INSL4: variants seen among roughly 807,000 people sequenced by gnomAD.
INSL4 encodes insulin like 4.
Under a neutral mutation model 6.5 loss-of-function variants are expected in INSL4, and 7 were observed. The ratio of observed to expected loss-of-function variants is 1.08; its 90% CI spans 0.61 to 2.02. INSL4 has a LOEUF of 2.02. Among genes scored for constraint, INSL4 ranks in the 30% most tolerant of loss-of-function variants. The probability of loss-of-function intolerance (pLI) is 0.00; values close to 1 mark genes in which losing one functional copy is unlikely to be tolerated. For missense variants in INSL4, 226 were observed against 163.2 expected, an observed-to-expected ratio of 1.38 and a Z score of -2.09; for synonymous variants, 82 against 65.8, an observed-to-expected ratio of 1.25 and a Z score of -1.19.
At chr9:5,233,542 A>G in intron 1 of INSL4, 112 bp from the exon 2 acceptor site, 2 of 719,980 alleles carry the variant, frequency 2.8e-6, no homozygotes, top group East Asian at 5.4e-5. Context: ...CTGGTGTTTA[A>G]TTACATGGAG....
chr9:5,234,823 T>C lies in INSL4; in HGVS notation c.*946T>C, dbSNP rs1384217108. ...TCAGGTCCTATAAACTTAATTCAAGTGGCATGATTTGAGTAGCCCCCTGTG... is the reference window on the plus strand; with the variant it reads ...TCAGGTCCTATAAACTTAATTCAAGCGGCATGATTTGAGTAGCCCCCTGTG... On this transcript the variant is annotated 3_prime_UTR_variant, in exon 2 of 2. Coordinates refer to ENST00000239316, the MANE Select transcript of INSL4 (RefSeq NM_002195.2). The C allele has an allele frequency of 2.6e-5, 4 of 152,110 alleles. No individual in the cohort carries two copies. Among genetic ancestry groups the C allele is most frequent in the South Asian group, 2.1e-4 (1 of 4,830 alleles). 9.4% of individuals were successfully genotyped at this position (152,110 alleles called of 1,614,324 possible).
rs1826145458 is a variant in INSL4, at chr9:5,231,571, G to C, written c.48G>C (p.Leu16=). Reference sequence around the variant, plus strand: ...ATCTGCCAGCAATCTGGCTGCTGCTGAGCCAACTCCTTAGAGAAAGCCTAG... The same window carrying C: ...ATCTGCCAGCAATCTGGCTGCTGCTCAGCCAACTCCTTAGAGAAAGCCTAG... ...RSYLPAIWLL[L]SQLLRESLAA... The change falls in exon 1 of 2, where the codon CTG becomes CTC. Residue 16 remains leucine (L), a synonymous_variant. Transcript: ENST00000239316. 3 of 1,613,714 alleles carry C rather than the reference G, an allele frequency of 1.9e-6. No individual in the cohort carries two copies. The highest frequency in any genetic ancestry group is 2.5e-6 in the Non-Finnish European group (3 of 1,179,888).
In INSL4 at chr9:5,231,497, C is replaced by G; in HGVS notation, c.-27C>G. 1 of 1,602,422 alleles carries G rather than the reference C, an allele frequency of 6.2e-7. No homozygotes were observed. The highest frequency in any genetic ancestry group is 8.5e-7 in the Non-Finnish European group (1 of 1,173,940). On this transcript the variant is annotated 5_prime_UTR_variant, in exon 1 of 2. Coordinates refer to ENST00000239316, the MANE Select transcript of INSL4 (RefSeq NM_002195.2). ...AGTCTCTAAAGAAAGGCTGAGAACA[C>G]CCAGAACAGGAGAGTTCAGGTCCAG...
intron 1 of INSL4, among the ~76,000 whole-genome samples, chr9:5,232,587 T>C (rs568233843): frequency 6.6e-6 from 1 of 152,192 alleles, no homozygotes; most frequent in Non-Finnish European, 1.5e-5. Flanking sequence ...GAAAGTTCAA[T>C]ACCAGGATAG....
chr9:5,233,547 A>G (rs1159031789), intron 1 of INSL4, 107 bp from the exon 2 acceptor site: 4 of 728,968 alleles, frequency 5.5e-6, no homozygotes, highest in African/African-American at 3.5e-5. Context: ...GTTTAATTAC[A>G]TGGAGGCAAT....
intron 1 of INSL4, 116 bp from the exon 2 acceptor site, chr9:5,233,538 T>TTTAA: frequency 1.4e-6 from 1 of 701,910 alleles, no homozygotes; most frequent in Non-Finnish European, 2.4e-6. Flanking sequence ...CTCTCTGGTG[T>TTTAA]TTAATTACAT....
intron 1 of INSL4, among the ~76,000 whole-genome samples, chr9:5,233,109 T>G (rs1248403656): frequency 6.6e-6 from 1 of 152,168 alleles, no homozygotes; most frequent in Non-Finnish European, 1.5e-5. Context: ...TTAAATACTT[T>G]GACAAATATA....
At position 5,234,475 on chromosome 9, in the gene INSL4, G is replaced by T. The variant is rs1333354792; in HGVS notation, c.*598G>T. 1 of 153,536 alleles carries T rather than the reference G, an allele frequency of 6.5e-6. No individual in the cohort carries two copies. The highest frequency in any genetic ancestry group is 1.4e-5 in the Non-Finnish European group (1 of 69,088). 9.5% of individuals were successfully genotyped at this position (153,536 alleles called of 1,614,324 possible). A position where few individuals can be genotyped will look rare whatever the true frequency, so the allele number is the denominator to read the frequency against. On this transcript the variant is annotated 3_prime_UTR_variant, in exon 2 of 2. Transcript: ENST00000239316. ...GTGAAGGAATGAACTGGTGGGAGAG[G>T]TATTAGGCATGTTCACCCTAGGGTA...
chr9:5,233,687 A>T lies in INSL4; in HGVS notation c.230A>T (p.Gln77Leu). 1 of 1,613,664 alleles carries T rather than the reference A, an allele frequency of 6.2e-7. No homozygotes were observed. Among genetic ancestry groups the T allele is most frequent in the Non-Finnish European group, 8.5e-7 (1 of 1,179,722 alleles). The change falls in exon 2 of 2, where the codon CAA (glutamine) becomes CTA (leucine). Residue 77 changes from glutamine (Q) to leucine (L), a missense_variant. Transcript: ENST00000239316. ...MVSTSNNKDG[Q>L]ALGTTSEFIP... ...TCAACCTCCAACAACAAAGATGGAC[A>T]AGCCTTAGGTACGACATCAGAATTC...
chr9:5,233,232 T>TATAG (rs1341538286), intron 1 of INSL4, among the ~76,000 whole-genome samples: 2 of 152,176 alleles, frequency 1.3e-5, no homozygotes, highest in Admixed American at 1.3e-4. Context: ...GATCCACTGA[T>TATAG]ATAGATGTAT....
intron 1 of INSL4, among the ~76,000 whole-genome samples, chr9:5,232,675 G>A (rs370196829): frequency 5.3e-5 from 8 of 152,182 alleles, no homozygotes; most frequent in Admixed American, 2.0e-4. Context: ...GGGCAGTTTC[G>A]AAAAGAGATA....
chr9:5,232,251 A>AG (rs999895441), intron 1 of INSL4, among the ~76,000 whole-genome samples: 2 of 152,168 alleles, frequency 1.3e-5, no homozygotes, highest in Non-Finnish European at 2.9e-5. Context: ...TGTGAGATAA[A>AG]GGGGGCTTAG....
rs1385638718 is a variant in INSL4, at chr9:5,233,642, T to A, written c.197-12T>A. 4 of 1,602,956 alleles carry A rather than the reference T, an allele frequency of 2.5e-6. No homozygotes were observed. The highest frequency in any genetic ancestry group is 2.2e-5 in the South Asian group (2 of 90,760). ...TTTTCCTCACCTTTCATTCCTCTCT[T>A]TTACTTCACAGAAATGGTGTCAACC... On this transcript the variant is annotated splice_polypyrimidine_tract_variant and intron_variant, in intron 1 of 1. Coordinates refer to ENST00000239316, the MANE Select transcript of INSL4 (RefSeq NM_002195.2).
At position 5,234,100 on chromosome 9, in the gene INSL4, TAAC is replaced by T; in HGVS notation, c.*226_*228del. 2.0e-6 allele frequency: 1 copy of T among 487,950 alleles called. No individual in the cohort carries two copies. Among genetic ancestry groups the T allele is most frequent in the South Asian group, 2.6e-5 (1 of 39,124 alleles). The allele number at this position is 487,950 out of a possible 1,614,324, so 30.2% of individuals were successfully genotyped here. ...GATAGTACAATGGGGAAATTATACT[TAAC>T]AATAATTCACTGTATATTCCAAAAT... is the stretch of plus-strand genomic sequence containing the variant. On this transcript the variant is annotated 3_prime_UTR_variant, in exon 2 of 2. Coordinates refer to ENST00000239316, the MANE Select transcript of INSL4 (RefSeq NM_002195.2).
Position 5,233,798 on chromosome 9 carries a change from G to A in INSL4, c.341G>A (p.Arg114Lys). ...LKKIILSRKK[R>K]SGRHRFDPFC... ...AAAATAATACTTTCCCGCAAAAAGA[G>A]AAGTGGACGTCACAGATTTGATCCA... Residue 114 changes from arginine to lysine, a missense_variant, in exon 2 of 2, where the codon AGA becomes AAA. Coordinates refer to ENST00000239316, the MANE Select transcript of INSL4 (RefSeq NM_002195.2). The A allele has an allele frequency of 6.2e-7, 1 of 1,613,736 alleles. No homozygotes were observed. The highest frequency in any genetic ancestry group is 8.5e-7 in the Non-Finnish European group (1 of 1,179,738).
At position 5,231,542 on chromosome 9, in the gene INSL4, TC is replaced by T; in HGVS notation, c.21del (p.Tyr8IlefsTer9). 6.2e-7 allele frequency: 1 copy of T among 1,613,202 alleles called. No homozygotes were observed. Among genetic ancestry groups the T allele is most frequent in the Non-Finnish European group, 8.5e-7 (1 of 1,179,762 alleles). On this transcript the variant is annotated frameshift_variant, in exon 1 of 2. Coordinates refer to ENST00000239316, the MANE Select transcript of INSL4 (RefSeq NM_002195.2). LOFTEE classifies it high-confidence loss of function. ...GTCCAGGATGGCCAGCCTGTTCCGG[TC>T]CTATCTGCCAGCAATCTGGCTGCTG... MASLFR[S>X]YLPAIWLLLS... is the part of the protein sequence containing the mutation.
Position 5,234,659 on chromosome 9 carries a change from A to G in INSL4, c.*782A>G, listed in dbSNP as rs1397863883. 2 of 152,562 alleles carry G rather than the reference A, an allele frequency of 1.3e-5. No individual in the cohort carries two copies. Among genetic ancestry groups the G allele is most frequent in the East Asian group, 1.9e-4 (1 of 5,184 alleles). The allele number at this position is 152,562 out of a possible 1,614,324, so 9.5% of individuals were successfully genotyped here. On this transcript the variant is annotated 3_prime_UTR_variant, in exon 2 of 2. Coordinates refer to ENST00000239316, the MANE Select transcript of INSL4 (RefSeq NM_002195.2). ...GTGGTGAATTGGCACAAATACTGGC[A>G]TTCCTCTGGCTACACATACCTCCTC...
In INSL4 at chr9:5,231,650, TGCCCCATGC is replaced by T; in HGVS notation, c.128_136del (p.Cys43_Pro46delinsSer). On this transcript the variant is annotated inframe_deletion, in exon 1 of 2. Coordinates refer to ENST00000239316, the MANE Select transcript of INSL4 (RefSeq NM_002195.2). ...ATTTGGAAAACACTTGCTGTCATAT[TGCCCCATGC>T]CTGAGAAGACATTCACCACCACCCC... The T allele has an allele frequency of 6.2e-7, 1 of 1,613,892 alleles. No individual in the cohort carries two copies. The highest frequency in any genetic ancestry group is 8.5e-7 in the Non-Finnish European group (1 of 1,179,856).
rs780855496 is a variant in INSL4 at position 5,231,622 on chromosome 9, C to T, written c.99C>T (p.Pro33=). The change falls in exon 1 of 2, where the codon CCC becomes CCT. Residue 33 remains proline (P), a synonymous_variant. Coordinates refer to ENST00000239316, the MANE Select transcript of INSL4 (RefSeq NM_002195.2). The part of the protein sequence containing the change: ...SLAAELRGCG[P]RFGKHLLSYC... ...CAGCAGAGCTGAGGGGATGTGGTCCCCGATTTGGAAAACACTTGCTGTCAT... is the reference window on the plus strand; with the variant it reads ...CAGCAGAGCTGAGGGGATGTGGTCCTCGATTTGGAAAACACTTGCTGTCAT... 7.4e-6 allele frequency: 12 copies of T among 1,613,758 alleles called. No homozygotes were observed. Among genetic ancestry groups the T allele is most frequent in the Admixed American group, 1.7e-5 (1 of 59,988 alleles).
Sources: allele counts gnomAD v4.1 joint callset (sites outside exome capture counted in the v4.1 genomes callset), GRCh38; gene constraint gnomAD v4.1.1; transcripts MANE v1.5; gene names NCBI Gene and HGNC (gene_info 2026-07-23, HGNC 2026-07-21).